The following FAM13B variants were observed in gnomAD, a reference collection of about 807,000 sequenced individuals.
FAM13B encodes family with sequence similarity 13 member B.
Under a neutral mutation model 117.3 loss-of-function variants are expected in FAM13B, and 60 were observed. The ratio of observed to expected loss-of-function variants is 0.51; its 90% CI spans 0.42 to 0.63. The LOEUF is 0.63. FAM13B is among the 30% of genes least tolerant of loss of function. The probability of loss-of-function intolerance (pLI) is 0.00; values close to 1 mark genes in which losing one functional copy is unlikely to be tolerated. For synonymous variants in FAM13B, 332 were observed against 356.1 expected (o/e 0.93, Z 0.76); for missense variants, 972 against 1,091.9 (o/e 0.89, Z 1.55).
At chr5:137,971,911 GGAA>G (rs1386045415) in intron 10 of FAM13B, among the ~76,000 whole-genome samples, 1 of 152,124 alleles carries the variant, frequency 6.6e-6, no homozygotes, top group Admixed American at 6.5e-5. Flanking sequence ...GACTAAACCA[GGAA>G]GAAGTTGAAT....
In FAM13B at chr5:137,987,704, A is replaced by T. The variant is rs1385108285; in HGVS notation, c.891-88T>A. The T allele has an allele frequency of 2.3e-6, 3 of 1,282,310 alleles. No homozygotes were observed. The East Asian group carries it at 7.2e-5, about 31-fold the overall frequency. The allele number at this position is 1,282,310 out of a possible 1,614,324, so 79.4% of individuals were successfully genotyped here. A position where few individuals can be genotyped will look rare whatever the true frequency, so the allele number is the denominator to read the frequency against. ...ATAAATGCTAAAACCTATGACCAGTAAAACTATTATGGTACTTAAATGGGT... is the reference window on the plus strand; with the variant it reads ...ATAAATGCTAAAACCTATGACCAGTTAAACTATTATGGTACTTAAATGGGT... On this transcript the variant is annotated intron_variant, in intron 8 of 23. Transcript: ENST00000689681.
intron 10 of FAM13B, among the ~76,000 whole-genome samples, chr5:137,969,468 A>G (rs903672421): frequency 2.6e-5 from 4 of 152,230 alleles, no homozygotes; most frequent in Admixed American, 2.0e-4. Flanking sequence ...GTACATCACC[A>G]TCATCAAAGG....
At chr5:138,012,046 C>G (rs1784155340) in intron 4 of FAM13B, 101 bp from the exon 5 acceptor site, 17 of 751,796 alleles carry the variant, frequency 2.3e-5, no homozygotes. Context: ...CTTTTTAATA[C>G]AACAATTCAA....
rs1232369097 is a variant in FAM13B, at chr5:137,973,786, T to TG, written c.1180-11318dup. ...AAAAACAAACAACCCCATCAAAAAGTGGGCAAAGGACATGAACAGACACTT... is the reference window on the plus strand; with the variant it reads ...AAAAACAAACAACCCCATCAAAAAGTGGGGCAAAGGACATGAACAGACACTT... On this transcript the variant is annotated intron_variant, in intron 10 of 23. Coordinates refer to ENST00000689681, the MANE Select transcript of FAM13B (RefSeq NM_001385994.1). Among the ~76,000 whole-genome samples, 6 of 130,614 alleles carry TG rather than the reference T, an allele frequency of 4.6e-5. No homozygotes were observed. In the East Asian group the frequency reaches 9.2e-4, roughly 20 times the overall value. 85.7% of individuals were successfully genotyped at this position (130,614 alleles called of 152,430 possible).
intron 14 of FAM13B, 33 bp downstream of exon 14, chr5:137,956,444 C>CG (rs1561745999): frequency 6.9e-7 from 1 of 1,444,440 alleles, no homozygotes; most frequent in Non-Finnish European, 9.4e-7. Context: ...CCATAAAAGG[C>CG]AAAAAAACTA....
At chr5:137,975,980 C>CTTTTTT (rs57478594) in intron 10 of FAM13B, among the ~76,000 whole-genome samples, 4,344 of 110,136 alleles carry the variant, frequency 0.039, 326 homozygotes, top group Non-Finnish European at 0.055. Context: ...TCAACTCTTC[C>CTTTTTT]TTTTTTTTTT....
intron 7 of FAM13B, among the ~76,000 whole-genome samples, chr5:137,998,760 A>C (rs1780458937): frequency 6.6e-6 from 1 of 152,236 alleles, no homozygotes; most frequent in Non-Finnish European, 1.5e-5. Context: ...TATCTGGAAG[A>C]TTACAGAACT....
At chr5:138,051,522 C>G (rs1310551737) in intron 1 of FAM13B, among the ~76,000 whole-genome samples, 1 of 152,192 alleles carries the variant, frequency 6.6e-6, no homozygotes, top group Non-Finnish European at 1.5e-5. Flanking sequence ...ACTTGCATTT[C>G]TCTAATCACA....
At chr5:137,947,141 C>A (rs949270281) in intron 18 of FAM13B, among the ~76,000 whole-genome samples, 2 of 152,176 alleles carry the variant, frequency 1.3e-5, no homozygotes, top group African/African-American at 4.8e-5. Flanking sequence ...ACTATTAACA[C>A]CTGAATGTGT....
chr5:137,986,431 C>CCG lies in FAM13B; in HGVS notation c.1046+1029_1046+1030insCG, dbSNP rs1021706862. 5.7e-4 allele frequency among the ~76,000 whole-genome samples: 31 copies of CCG among 54,300 alleles called. 1 individual carries two copies. The Admixed American group carries it at 6.1e-3, about 11-fold the overall frequency. The allele number at this position is 54,300 out of a possible 152,430, so 35.6% of individuals were successfully genotyped here. ...TGGGTACATTTTTCTCATCTTCCCC[C>CCG]CCCCAAAAAAAATTGATATATGAAA... On this transcript the variant is annotated intron_variant, in intron 9 of 23. Coordinates refer to ENST00000689681, the MANE Select transcript of FAM13B (RefSeq NM_001385994.1).
chr5:138,011,423 T>C (rs1179440461), intron 5 of FAM13B, among the ~76,000 whole-genome samples: 1 of 144,796 alleles, frequency 6.9e-6, no homozygotes, highest in Admixed American at 6.9e-5. Context: ...CTAATTTTTC[T>C]TTTTTTTTTT....
intron 17 of FAM13B, among the ~76,000 whole-genome samples, chr5:137,951,513 C>G (rs1315749987): frequency 1.3e-5 from 2 of 151,742 alleles, no homozygotes; most frequent in Non-Finnish European, 1.5e-5. Context: ...TAAAAAATTA[C>G]CTGGGTGTGG....
intron 4 of FAM13B, among the ~76,000 whole-genome samples, chr5:138,014,632 G>A (rs1049470021): frequency 2.0e-5 from 3 of 152,212 alleles, no homozygotes; most frequent in Non-Finnish European, 4.4e-5. Context: ...ATAAACATTA[G>A]TTGAATTCAC....
chr5:138,034,653 A>G (rs1416463313), upstream of FAM13B, among the ~76,000 whole-genome samples: 1 of 152,228 alleles, frequency 6.6e-6, no homozygotes, highest in Non-Finnish European at 1.5e-5. Context: ...AAGTGAAATA[A>G]AAGTTTCCAA....
At chr5:137,998,386 C>G (rs11242407) in intron 7 of FAM13B, among the ~76,000 whole-genome samples, 64,314 of 152,050 alleles carry the variant, frequency 0.42, 14,473 homozygotes, top group East Asian at 0.6. Flanking sequence ...CATCTTACTC[C>G]TTGAGTACAT....
At chr5:138,027,156 T>A (rs1257958880) in intron 1 of FAM13B, among the ~76,000 whole-genome samples, 1 of 151,962 alleles carries the variant, frequency 6.6e-6, no homozygotes, top group Non-Finnish European at 1.5e-5. Flanking sequence ...AGTGCCACAT[T>A]GAAGTAAAAA....
chr5:137,944,804 C>G (rs1457589880), intron 20 of FAM13B, among the ~76,000 whole-genome samples: 1 of 151,164 alleles, frequency 6.6e-6, no homozygotes, highest in Admixed American at 6.6e-5. Flanking sequence ...TGGGATAACA[C>G]GGATGTAGGT....
rs1243834470 is a variant in FAM13B at position 137,971,819 on chromosome 5, G to C, written c.1180-9350C>G. ...CACAGAAATACAAACTACCATCAGAGAATACTACAAACACCTGTATGCAAA... is the reference window on the plus strand; with the variant it reads ...CACAGAAATACAAACTACCATCAGACAATACTACAAACACCTGTATGCAAA... On this transcript the variant is annotated intron_variant, in intron 10 of 23. Transcript: ENST00000689681. Among the ~76,000 whole-genome samples, 3 of 151,738 alleles carry C rather than the reference G, an allele frequency of 2.0e-5. No individual in the cohort carries two copies. The East Asian group carries it at 5.8e-4, about 29-fold the overall frequency.
At chr5:138,000,324 G>A (rs934922945) in intron 7 of FAM13B, among the ~76,000 whole-genome samples, 1 of 152,062 alleles carries the variant, frequency 6.6e-6, no homozygotes, top group African/African-American at 2.4e-5. Context: ...GCTTGAGCCT[G>A]AAAGGTCAAG....
Sources: allele counts gnomAD v4.1 joint callset (sites outside exome capture counted in the v4.1 genomes callset), GRCh38; gene constraint gnomAD v4.1.1; transcripts MANE v1.5; gene names NCBI Gene and HGNC (gene_info 2026-07-23, HGNC 2026-07-21).